Variants in PTPN3 observed in about 807,000 individuals in gnomAD.
PTPN3 encodes tyrosine-protein phosphatase non-receptor type 3.
In PTPN3, 96 loss-of-function variants were observed where a neutral mutation model predicts 132.7. The observed-to-expected ratio is 0.72, with a 90% CI of 0.61 to 0.86. The LOEUF (loss-of-function observed/expected upper bound fraction) is 0.86. Ranked by LOEUF, PTPN3 falls within the 40% of genes least tolerant of loss-of-function variation. The pLI is 0.00. For missense variants in PTPN3, 1,125 were observed against 1,159.6 expected, an observed-to-expected ratio of 0.97 and a Z score of 0.43; for synonymous variants, 398 against 429.0, an observed-to-expected ratio of 0.93 and a Z score of 0.89.
chr9:109,499,390 G>C (rs571806913), upstream of PTPN3, among the ~76,000 whole-genome samples: 8 of 152,136 alleles, frequency 5.3e-5, no homozygotes, highest in African/African-American at 1.9e-4. Flanking sequence ...AACAGCCAGT[G>C]CCAAGACCCA....
rs780874349 is a variant in PTPN3 at position 109,410,363 on chromosome 9, T to G, written c.1366A>C (p.Ser456Arg). ...AQSYLTQKSS[S>R]SVSPSSNAPG... The stretch of plus-strand genomic sequence containing the variant: ...GCATTTGAAGATGGAGACACAGAAC[T>G]GGATGACTTCTGGGTCAGGTAGCTT... The change falls in exon 15 of 26, where the codon AGT becomes CGT. Residue 456 changes from serine to arginine, a missense_variant. Ser to Arg is a moderately radical substitution (Grantham distance 110). Transcript: ENST00000374541. 1.2e-6 allele frequency: 2 copies of G among 1,614,214 alleles called. No homozygotes were observed. The highest frequency in any genetic ancestry group is 3.3e-4 in the Middle Eastern group (2 of 6,062).
At chr9:109,532,876 A>G in the PTPN3 span, 61 of 1,135,580 alleles carry the variant, frequency 5.4e-5, no homozygotes, top group Admixed American at 2.5e-4. Context: ...CTAATTCTCA[A>G]TTATCAGCTG....
intron 5 of PTPN3, chr9:109,449,173 T>C (rs1845072117): frequency 8.8e-7 from 1 of 1,136,522 alleles, no homozygotes; most frequent in African/African-American, 1.6e-5. Context: ...TGGGTTCCGC[T>C]GTCAGTGAGC....
chr9:109,536,973 A>C, the PTPN3 span, among the ~76,000 whole-genome samples: 2 of 149,584 alleles, frequency 1.3e-5, no homozygotes, highest in Non-Finnish European at 1.5e-5. Context: ...ATGAAAGCCC[A>C]GTGTGGTTGG....
At chr9:109,408,461 T>A (rs1841756624) in intron 16 of PTPN3, 84 bp from the exon 17 acceptor site, 2 of 1,005,126 alleles carry the variant, frequency 2.0e-6, no homozygotes, top group African/African-American at 3.2e-5. Flanking sequence ...GCTCACAGCA[T>A]CAACAACATG....
chr9:109,437,172 C>T (rs1844116928), intron 8 of PTPN3, among the ~76,000 whole-genome samples: 1 of 152,070 alleles, frequency 6.6e-6, no homozygotes, highest in African/African-American at 2.4e-5. Flanking sequence ...TCTAGACCCT[C>T]TTGTTTTTAA....
At chr9:109,498,929 C>G (rs1847805349), upstream of PTPN3, among the ~76,000 whole-genome samples, 2 of 152,336 alleles carry the variant, frequency 1.3e-5, no homozygotes, top group East Asian at 1.9e-4. The surrounding 1 kb of genome is among the most constrained non-coding windows in gnomAD (Gnocchi z 4.2). Context: ...TCTCATTGTA[C>G]ATAGGTCCCC....
At chr9:109,397,995 C>T (rs1024971553) in intron 19 of PTPN3, among the ~76,000 whole-genome samples, 4 of 152,124 alleles carry the variant, frequency 2.6e-5, no homozygotes, top group African/African-American at 7.2e-5. Context: ...TCTTTTGGGC[C>T]GGGCATGGTG....
chr9:109,438,275 C>T, intron 7 of PTPN3, 41 bp from the exon 8 acceptor site: 1 of 1,585,908 alleles, frequency 6.3e-7, no homozygotes, highest in Non-Finnish European at 8.6e-7. Context: ...ATTAGTTTTG[C>T]CTTTTTAATA....
At chr9:109,424,545 G>A (rs1843106860) in intron 12 of PTPN3, among the ~76,000 whole-genome samples, 1 of 152,236 alleles carries the variant, frequency 6.6e-6, no homozygotes, top group Admixed American at 6.5e-5. Context: ...GAACGGTTCT[G>A]CCTTTCGCTC....
intron 1 of PTPN3, among the ~76,000 whole-genome samples, chr9:109,470,545 A>AT (rs939612299): frequency 1.3e-5 from 2 of 151,800 alleles, no homozygotes; most frequent in African/African-American, 4.8e-5. Flanking sequence ...AAAAAAAAAA[A>AT]ATTAGCTGCA....
the PTPN3 span, among the ~76,000 whole-genome samples, chr9:109,533,126 ATTTTTTTTTTTT>A: frequency 4.4e-4 from 16 of 36,554 alleles, 1 homozygote; most frequent in East Asian, 3.2e-3. Flanking sequence ...TACCTGGCTA[ATTTTTTTTTTTT>A]TTTTTTTTTT....
chr9:109,427,091 T>G lies in PTPN3; in HGVS notation c.860A>C (p.Asn287Thr). Residue 287 changes from asparagine to threonine, a missense_variant, in exon 12 of 26, where the codon AAC (asparagine) becomes ACC (threonine). Asn to Thr is a moderately conservative substitution (Grantham distance 65, BLOSUM62 0). Transcript: ENST00000374541. Reference protein sequence around the residue: ...AESREHIVAFNMLNYRSCKNL... With the variant: ...AESREHIVAFTMLNYRSCKNL... ...TTTGCAAGATCGGTAATTCAGCATG[T>G]TGAAGGCCACAATATGTTCCCTGGA... 1.9e-6 allele frequency: 3 copies of G among 1,614,140 alleles called. No individual in the cohort carries two copies. The highest frequency in any genetic ancestry group is 2.5e-6 in the Non-Finnish European group (3 of 1,180,004).
In PTPN3 at chr9:109,410,043, G is replaced by C; in HGVS notation, c.1534C>G (p.Arg512Gly). 1 of 1,614,132 alleles carries C rather than the reference G, an allele frequency of 6.2e-7. No individual in the cohort carries two copies. Among genetic ancestry groups the C allele is most frequent in the South Asian group, 1.1e-5 (1 of 91,072 alleles). The change falls in exon 16 of 26, where the codon CGT becomes GGT. Residue 512 changes from arginine to glycine, a missense_variant. By Grantham distance (125) the Arg-to-Gly change is moderately radical (BLOSUM62 -2). Coordinates refer to ENST00000374541, the MANE Select transcript of PTPN3 (RefSeq NM_002829.4). ...TTTCCATCTTCATCTGGTGTGATACGGATCAAGACTAAGTAGCTGTCACCA... is the reference window on the plus strand; with the variant it reads ...TTTCCATCTTCATCTGGTGTGATACCGATCAAGACTAAGTAGCTGTCACCA... ...DNGDSYLVLI[R>G]ITPDEDGKFG...
intron 14 of PTPN3, among the ~76,000 whole-genome samples, chr9:109,419,823 T>C (rs1489228973): frequency 1.3e-5 from 2 of 152,188 alleles, no homozygotes; most frequent in African/African-American, 4.8e-5. Context: ...CAGACATTTT[T>C]TCTGTCCTTG....
chr9:109,450,770 G>A (rs766415663), intron 5 of PTPN3: 15 of 985,402 alleles, frequency 1.5e-5, no homozygotes, highest in Non-Finnish European at 1.8e-5. Context: ...GAGATGCCTG[G>A]GATGCCTAAC....
chr9:109,525,837 C>G, the PTPN3 span, among the ~76,000 whole-genome samples: 4 of 152,172 alleles, frequency 2.6e-5, no homozygotes, highest in Non-Finnish European at 5.9e-5. Flanking sequence ...TTTGACAAAA[C>G]TCCTTAAGCT....
At chr9:109,510,988 T>TA in the PTPN3 span, among the ~76,000 whole-genome samples, 2 of 152,230 alleles carry the variant, frequency 1.3e-5, no homozygotes, top group South Asian at 2.1e-4. Flanking sequence ...AAAGAAACAT[T>TA]AAAAAAATCC....
At chr9:109,415,099 C>CATCCATCA (rs1842391327) in intron 14 of PTPN3, among the ~76,000 whole-genome samples, 1 of 151,856 alleles carries the variant, frequency 6.6e-6, no homozygotes, top group Non-Finnish European at 1.5e-5. Context: ...TCCATCCATC[C>CATCCATCA]ATCCATCCAT....
Sources: allele counts gnomAD v4.1 joint callset (sites outside exome capture counted in the v4.1 genomes callset), GRCh38; gene constraint gnomAD v4.1.1; non-coding constraint Gnocchi (gnomAD v3.1); transcripts MANE v1.5; gene names NCBI Gene and HGNC (gene_info 2026-07-23, HGNC 2026-07-21).